Variants in GRM1 observed in about 807,000 individuals in gnomAD.
GRM1 encodes the protein glutamate metabotropic receptor 1, also known as metabotropic glutamate receptor 1.
GRM1 carries 33 observed loss-of-function variants against 90.9 expected under a neutral mutation model. The ratio of observed to expected loss-of-function variants is 0.36; its 90% CI spans 0.28 to 0.49. The LOEUF (loss-of-function observed/expected upper bound fraction) is 0.49, where lower values mean the gene tolerates loss of function less well. GRM1 is among the 20% of genes least tolerant of loss of function. GRM1 has a pLI of 0.99. For missense variants in GRM1, 1,190 were observed against 1,534.3 expected (o/e 0.78, Z 3.75); for synonymous variants, 700 against 613.2 (o/e 1.14, Z -2.09).
intron 3 of GRM1, among the ~76,000 whole-genome samples, chr6:146,331,961 A>G (rs964280422): frequency 6.6e-6 from 1 of 152,116 alleles, no homozygotes; most frequent in African/African-American, 2.4e-5. Context: ...GAATCACAGG[A>G]CTAGTATGGA....
intron 5 of GRM1, among the ~76,000 whole-genome samples, chr6:146,381,427 T>A (rs569961674): frequency 6.6e-6 from 1 of 152,284 alleles, no homozygotes; most frequent in African/African-American, 2.4e-5. Flanking sequence ...GTTCAGTGCC[T>A]CACAATTACT....
chr6:146,268,029 G>A (rs1170228854), intron 2 of GRM1, among the ~76,000 whole-genome samples: 1 of 152,062 alleles, frequency 6.6e-6, no homozygotes, highest in African/African-American at 2.4e-5. Context: ...TTCCTCAATG[G>A]TCATAACAAG....
chr6:146,121,071 C>CT (rs935673616), intron 1 of GRM1, among the ~76,000 whole-genome samples: 7 of 152,010 alleles, frequency 4.6e-5, no homozygotes, highest in East Asian at 1.9e-4. Flanking sequence ...TCGTCCTGGG[C>CT]TTTTTTTGGT....
chr6:146,393,454 A>G (rs1327961799), intron 6 of GRM1, among the ~76,000 whole-genome samples: 1 of 152,156 alleles, frequency 6.6e-6, no homozygotes, highest in Non-Finnish European at 1.5e-5. Context: ...ATAGATTGCA[A>G]AAATGTTCTC....
chr6:146,125,842 C>G (rs954775664), intron 1 of GRM1, among the ~76,000 whole-genome samples: 3 of 151,990 alleles, frequency 2.0e-5, no homozygotes, highest in African/African-American at 7.2e-5. Context: ...GCAGCCTATT[C>G]TGAAAATGTT....
intron 1 of GRM1, among the ~76,000 whole-genome samples, chr6:146,100,866 T>C (rs1777026791): frequency 6.6e-6 from 1 of 152,134 alleles, no homozygotes; most frequent in Non-Finnish European, 1.5e-5. Flanking sequence ...TGGAAGCCAA[T>C]GTGGGAAGAT....
chr6:146,143,640 G>T (rs1042251978), intron 1 of GRM1, among the ~76,000 whole-genome samples: 1 of 152,082 alleles, frequency 6.6e-6, no homozygotes. Context: ...ATTTTAAGTG[G>T]CTGCACAACA....
rs374542752 is a variant in GRM1 at position 146,213,375 on chromosome 6, G to A, written c.950+53778G>A. 3.3e-5 allele frequency among the ~76,000 whole-genome samples: 5 copies of A among 152,188 alleles called. 1 individual carries two copies. In the South Asian group the frequency reaches 1.0e-3, roughly 32 times the overall value. ...ATCTTCACCTGCAGAAAATCAAAAG[G>A]CATCAGAGAGCTGGAAGTGAAAAAG... On this transcript the variant is annotated intron_variant, in intron 2 of 7. Transcript: ENST00000282753.
intron 1 of GRM1, among the ~76,000 whole-genome samples, chr6:146,122,714 G>T (rs1776034329): frequency 6.6e-6 from 1 of 150,432 alleles, no homozygotes; most frequent in African/African-American, 2.4e-5. Context: ...ATTTTTAATT[G>T]CTTCTTTTTA....
chr6:146,284,873 A>G (rs1193332974), intron 2 of GRM1, among the ~76,000 whole-genome samples: 1 of 152,230 alleles, frequency 6.6e-6, no homozygotes, highest in African/African-American at 2.4e-5. Context: ...GAACTAAAAC[A>G]GAATATATTG....
At chr6:146,412,161 G>A (rs1324109726) in intron 7 of GRM1, among the ~76,000 whole-genome samples, 4 of 152,144 alleles carry the variant, frequency 2.6e-5, no homozygotes, top group Non-Finnish European at 5.9e-5. Context: ...CATTGTCAAC[G>A]CTGTATGTTA....
chr6:146,387,635 G>T (rs1776556295), intron 6 of GRM1, among the ~76,000 whole-genome samples: 1 of 152,040 alleles, frequency 6.6e-6, no homozygotes. Context: ...AGTAGAACAC[G>T]GGAAACATGA....
chr6:146,053,247 T>C (rs930584344), intron 1 of GRM1, among the ~76,000 whole-genome samples: 4 of 152,120 alleles, frequency 2.6e-5, no homozygotes, highest in Admixed American at 6.6e-5. Context: ...ACAATACTTA[T>C]TGAGAATTTA....
At chr6:146,294,469 G>A (rs1783106507) in intron 2 of GRM1, among the ~76,000 whole-genome samples, 1 of 151,850 alleles carries the variant, frequency 6.6e-6, no homozygotes, top group African/African-American at 2.4e-5. Flanking sequence ...AAAATATGTT[G>A]AGACTTACAT....
chr6:146,389,413 A>T (rs901079561), intron 6 of GRM1, among the ~76,000 whole-genome samples: 2 of 119,660 alleles, frequency 1.7e-5, no homozygotes, highest in Non-Finnish European at 3.6e-5. Context: ...CACTAAGATA[A>T]AAAAGCTTTT....
At chr6:146,277,602 C>A (rs1489686962) in intron 2 of GRM1, among the ~76,000 whole-genome samples, 1 of 152,210 alleles carries the variant, frequency 6.6e-6, no homozygotes, top group African/African-American at 2.4e-5. Context: ...ATCCATGCAA[C>A]TGCCTTGGGG....
At chr6:146,430,338 G>T (rs147933665) in intron 7 of GRM1, among the ~76,000 whole-genome samples, 10 of 152,270 alleles carry the variant, frequency 6.6e-5, no homozygotes, top group African/African-American at 1.9e-4. Flanking sequence ...TATACATCCT[G>T]TAGGCCTAAC....
chr6:146,355,892 CT>C (rs763002178), intron 4 of GRM1, among the ~76,000 whole-genome samples: 17 of 152,226 alleles, frequency 1.1e-4, no homozygotes, highest in Admixed American at 5.2e-4. Flanking sequence ...TTGCCATTTC[CT>C]TCAGTCAAGC....
At chr6:146,402,548 A>C (rs1583448938) in intron 7 of GRM1, among the ~76,000 whole-genome samples, 1 of 152,292 alleles carries the variant, frequency 6.6e-6, no homozygotes, top group Non-Finnish European at 1.5e-5. Context: ...AAAACTCTAG[A>C]GAACACATCA....
Sources: allele counts gnomAD v4.1 joint callset (sites outside exome capture counted in the v4.1 genomes callset), GRCh38; gene constraint gnomAD v4.1.1; transcripts MANE v1.5; gene names NCBI Gene and HGNC (gene_info 2026-07-23, HGNC 2026-07-21).